SPECC1L: variants seen among roughly 807,000 people sequenced by gnomAD.
SPECC1L encodes the protein sperm antigen with calponin homology and coiled-coil domains 1 like.
A neutral mutation model predicts 116.8 loss-of-function variants in SPECC1L; 40 were observed. The ratio of observed to expected loss-of-function variants is 0.34; its 90% CI spans 0.27 to 0.45. The LOEUF is 0.45. SPECC1L is among the 20% of genes least tolerant of loss of function. The pLI is 1.00. For missense variants in SPECC1L, 1,110 were observed against 1,373.6 expected, an observed-to-expected ratio of 0.81 and a Z score of 3.03; for synonymous variants, 504 against 500.6, an observed-to-expected ratio of 1.01 and a Z score of -0.09.
At chr22:24,329,716 C>T (rs1601563632) in intron 7 of SPECC1L, among the ~76,000 whole-genome samples, 1 of 152,204 alleles carries the variant, frequency 6.6e-6, no homozygotes, top group South Asian at 2.1e-4. Flanking sequence ...CCACGTAGTT[C>T]CTTACCGCCT....
At chr22:24,368,740 G>T (rs1163054243) in intron 13 of SPECC1L, among the ~76,000 whole-genome samples, 1 of 152,110 alleles carries the variant, frequency 6.6e-6, no homozygotes, top group Admixed American at 6.5e-5. Flanking sequence ...TCCATCTCTA[G>T]GGTTCAAGTG....
chr22:24,416,764 G>C lies in SPECC1L; in HGVS notation c.*2141G>C, dbSNP rs1297994770. On this transcript the variant is annotated 3_prime_UTR_variant, in exon 17 of 17. Coordinates refer to ENST00000314328, the MANE Select transcript of SPECC1L (RefSeq NM_015330.6). ...GGGTCCCCAGGATCTTCTGGAGGAA[G>C]GTGGCCATGGATGGATGGGCTGTAT... The C allele has an allele frequency of 6.6e-6, 1 of 152,394 alleles. No homozygotes were observed. The highest frequency in any genetic ancestry group is 1.9e-4 in the East Asian group (1 of 5,194). 9.4% of individuals were successfully genotyped at this position (152,394 alleles called of 1,614,324 possible). A position where few individuals can be genotyped will look rare whatever the true frequency, so the allele number is the denominator to read the frequency against.
At chr22:24,407,693 C>T (rs972535881) in intron 14 of SPECC1L, among the ~76,000 whole-genome samples, 3 of 152,222 alleles carry the variant, frequency 2.0e-5, no homozygotes, top group African/African-American at 7.2e-5. Flanking sequence ...TCATCAAGCA[C>T]TTAGTCCCTT....
At chr22:24,288,338 C>T (rs1211350442) in intron 2 of SPECC1L, among the ~76,000 whole-genome samples, 1 of 152,012 alleles carries the variant, frequency 6.6e-6, no homozygotes, top group Non-Finnish European at 1.5e-5. Flanking sequence ...GTCTGTAGCA[C>T]CTTGCCTCCC....
intron 10 of SPECC1L, 136 bp from the exon 11 acceptor site, chr22:24,346,950 G>A (rs1569429388): frequency 2.7e-6 from 2 of 742,484 alleles, no homozygotes; most frequent in East Asian, 5.5e-5. Context: ...TGCCTGTAAG[G>A]TGTGTTACAA....
rs865784862 is a variant in SPECC1L, at chr22:24,365,768, T to C, written c.2984+136T>C. On this transcript the variant is annotated intron_variant, in intron 13 of 16. Transcript: ENST00000314328. ...CTGTGTGTTGTTTGCGAATCTTTCT[T>C]ATATCCAGAATTGAGTAAATGGTAT... 3.7e-5 allele frequency: 35 copies of C among 957,974 alleles called. 1 individual carries two copies. The highest frequency in any genetic ancestry group is 2.8e-4 in the South Asian group (20 of 71,662). The allele number at this position is 957,974 out of a possible 1,614,324, so 59.3% of individuals were successfully genotyped here. A position where few individuals can be genotyped will look rare whatever the true frequency, so the allele number is the denominator to read the frequency against.
intron 1 of SPECC1L, among the ~76,000 whole-genome samples, chr22:24,272,524 T>C (rs1219721239): frequency 6.6e-6 from 1 of 151,760 alleles, no homozygotes. Context: ...AATATAAAAA[T>C]TAGTCGGGCG....
chr22:24,371,678 C>T (rs1295027477), intron 14 of SPECC1L, among the ~76,000 whole-genome samples: 1 of 152,106 alleles, frequency 6.6e-6, no homozygotes, highest in East Asian at 1.9e-4. Context: ...TTATGGGAGG[C>T]AGCGAAAGCA....
intron 3 of SPECC1L, among the ~76,000 whole-genome samples, chr22:24,306,590 C>T (rs564930373): frequency 7.2e-5 from 11 of 152,112 alleles, no homozygotes; most frequent in South Asian, 6.2e-4. Flanking sequence ...ACTTTTTTAC[C>T]CTGGCTGGTC....
intron 14 of SPECC1L, among the ~76,000 whole-genome samples, chr22:24,406,295 T>TG (rs2042589585): frequency 6.6e-6 from 1 of 152,070 alleles, no homozygotes; most frequent in African/African-American, 2.4e-5. Context: ...AAGGCAGGTC[T>TG]GGGGGCCGCC....
At chr22:24,377,558 A>G (rs1288718443) in intron 14 of SPECC1L, among the ~76,000 whole-genome samples, 4 of 152,066 alleles carry the variant, frequency 2.6e-5, no homozygotes, top group Non-Finnish European at 5.9e-5. Flanking sequence ...AAGCTGCTTC[A>G]TTTGTTTCCC....
chr22:24,351,317 G>C (rs1252178886), intron 11 of SPECC1L, among the ~76,000 whole-genome samples: 1 of 152,198 alleles, frequency 6.6e-6, no homozygotes, highest in Non-Finnish European at 1.5e-5. Flanking sequence ...ATATTATTGG[G>C]CAAAGACTAC....
intron 6 of SPECC1L, among the ~76,000 whole-genome samples, chr22:24,325,167 A>C (rs2040793254): frequency 6.6e-6 from 1 of 152,230 alleles, no homozygotes; most frequent in Admixed American, 6.5e-5. Flanking sequence ...TCATAGTAGT[A>C]GTTCTTTTCC....
At position 24,306,245 on chromosome 22, in the gene SPECC1L, C is replaced by G. The variant is rs547529181; in HGVS notation, c.153+3861C>G. ...TTATGTGCTCAGTGGACATTTAGAC[C>G]CTCTTCTATGAAGTGCCTGTTCAAG... On this transcript the variant is annotated intron_variant, in intron 3 of 16. Transcript: ENST00000314328. Among the ~76,000 whole-genome samples the G allele has an allele frequency of 3.3e-5, 5 of 152,172 alleles. No individual in the cohort carries two copies. The East Asian group carries it at 9.7e-4, about 29-fold the overall frequency.
intron 2 of SPECC1L, among the ~76,000 whole-genome samples, chr22:24,287,651 TG>T (rs1179497812): frequency 2.0e-5 from 3 of 152,054 alleles, no homozygotes; most frequent in Non-Finnish European, 4.4e-5. Flanking sequence ...GGAGCTGTGG[TG>T]GGGTGGATGT....
At chr22:24,274,997 G>GC (rs1291327343) in intron 1 of SPECC1L, among the ~76,000 whole-genome samples, 1 of 152,016 alleles carries the variant, frequency 6.6e-6, no homozygotes, top group Non-Finnish European at 1.5e-5. Flanking sequence ...TTATTTCCTT[G>GC]CCCTTTTCAT....
intron 2 of SPECC1L, among the ~76,000 whole-genome samples, chr22:24,287,818 C>T (rs2049070848): frequency 6.6e-6 from 1 of 152,086 alleles, no homozygotes; most frequent in Admixed American, 6.6e-5. Context: ...ATAATGGGCC[C>T]TCGGGGTTTA....
intron 14 of SPECC1L, among the ~76,000 whole-genome samples, chr22:24,380,442 G>C (rs2042043964): frequency 6.6e-6 from 1 of 152,130 alleles, no homozygotes. Context: ...GCCCCAGATG[G>C]ATCATTAATG....
At chr22:24,344,923 A>G (rs2041259277) in intron 10 of SPECC1L, among the ~76,000 whole-genome samples, 1 of 152,246 alleles carries the variant, frequency 6.6e-6, no homozygotes, top group South Asian at 2.1e-4. Context: ...TGGAAGACTC[A>G]ATATCATTAA....
Sources: gnomAD v4.1 joint callset for allele counts (sites outside exome capture counted in the v4.1 genomes callset) on GRCh38, gnomAD v4.1.1 for gene constraint, MANE v1.5 for transcripts, NCBI Gene and HGNC (gene_info 2026-07-23, HGNC 2026-07-21) for gene names.